The following SPAG16 variants were observed in gnomAD, a reference collection of about 807,000 sequenced individuals.
The protein encoded by SPAG16 is sperm-associated antigen 16 protein.
Under a neutral mutation model 80.4 loss-of-function variants are expected in SPAG16, and 86 were observed. That is an observed-to-expected ratio of 1.07 (90% confidence interval 0.90 to 1.28). SPAG16 has a LOEUF of 1.28. Ranked by LOEUF, SPAG16 falls within the 50% of genes most tolerant of loss-of-function variation. SPAG16 has a pLI of 0.00. For synonymous variants in SPAG16, 294 were observed against 265.9 expected (o/e 1.11, Z -1.03); for missense variants, 870 against 765.3 (o/e 1.14, Z -1.61).
intron 15 of SPAG16, among the ~76,000 whole-genome samples, chr2:214,368,526 T>C (rs1699622339): frequency 6.6e-6 from 1 of 152,108 alleles, no homozygotes; most frequent in African/African-American, 2.4e-5. Context: ...TCATCTCAGG[T>C]TAGCATAAAG....
intron 12 of SPAG16, among the ~76,000 whole-genome samples, chr2:213,941,446 A>G (rs2079194205): frequency 6.6e-6 from 1 of 152,156 alleles, no homozygotes; most frequent in African/African-American, 2.4e-5. Flanking sequence ...TGACACACAC[A>G]CAAACACACA....
At chr2:213,804,405 C>T (rs751696762) in intron 10 of SPAG16, among the ~76,000 whole-genome samples, 11 of 152,244 alleles carry the variant, frequency 7.2e-5, no homozygotes, top group East Asian at 1.9e-4. Context: ...TTATAAGGGC[C>T]GGGCACTGTG....
intron 15 of SPAG16, among the ~76,000 whole-genome samples, chr2:214,378,019 C>T (rs1041549982): frequency 5.3e-5 from 8 of 152,010 alleles, no homozygotes; most frequent in African/African-American, 1.9e-4. Context: ...GTATCAGAGC[C>T]GAGAAAGGAG....
intron 10 of SPAG16, among the ~76,000 whole-genome samples, chr2:213,857,232 A>G (rs2075214784): frequency 6.6e-6 from 1 of 152,234 alleles, no homozygotes; most frequent in African/African-American, 2.4e-5. Context: ...TGCATCTCAA[A>G]AAAAATTATT....
chr2:213,548,457 C>T (rs1000703413), intron 10 of SPAG16, among the ~76,000 whole-genome samples: 1 of 152,162 alleles, frequency 6.6e-6, no homozygotes, highest in African/African-American at 2.4e-5. Context: ...GTGATCTGCC[C>T]GCCTCGGCCT....
intron 10 of SPAG16, among the ~76,000 whole-genome samples, chr2:213,691,107 T>C (rs73988588): frequency 0.013 from 1,985 of 152,272 alleles, 44 homozygotes; most frequent in African/African-American, 0.044. Context: ...AACATCTGAA[T>C]TTTGGAGAGG....
At chr2:214,205,631 A>G (rs2058122929) in intron 15 of SPAG16, among the ~76,000 whole-genome samples, 1 of 152,196 alleles carries the variant, frequency 6.6e-6, no homozygotes, top group Admixed American at 6.5e-5. Flanking sequence ...TTGAGGATAT[A>G]AAACCCATAA....
intron 9 of SPAG16, among the ~76,000 whole-genome samples, chr2:213,388,053 A>G (rs1051093896): frequency 6.6e-6 from 1 of 152,138 alleles, no homozygotes; most frequent in African/African-American, 2.4e-5. Flanking sequence ...GTCCACAGGA[A>G]GGATTGGACA....
At chr2:214,407,206 A>C (rs1319557047) in intron 15 of SPAG16, among the ~76,000 whole-genome samples, 2 of 152,002 alleles carry the variant, frequency 1.3e-5, no homozygotes, top group Non-Finnish European at 2.9e-5. Flanking sequence ...AATTTATTTC[A>C]TGTGATTTTT....
At chr2:213,377,059 A>G (rs1028283637) in intron 9 of SPAG16, among the ~76,000 whole-genome samples, 6 of 152,160 alleles carry the variant, frequency 3.9e-5, no homozygotes, top group African/African-American at 1.4e-4. Flanking sequence ...AAAAGGGCCA[A>G]TGGAGATAAA....
chr2:214,282,676 G>A (rs1377671019), intron 15 of SPAG16, among the ~76,000 whole-genome samples: 1 of 151,972 alleles, frequency 6.6e-6, no homozygotes, highest in Non-Finnish European at 1.5e-5. Flanking sequence ...AAATTTTGGA[G>A]CAGAAAAGAC....
chr2:214,322,392 A>G (rs1696158045), intron 15 of SPAG16, among the ~76,000 whole-genome samples: 1 of 152,088 alleles, frequency 6.6e-6, no homozygotes. Context: ...TCATAAGAAA[A>G]TGGTACCTAT....
intron 10 of SPAG16, among the ~76,000 whole-genome samples, chr2:213,588,687 A>G (rs1321409830): frequency 3.3e-5 from 5 of 151,284 alleles, no homozygotes; most frequent in Admixed American, 1.3e-4. Context: ...CTGTAGTCCC[A>G]GCTACTCGGG....
intron 12 of SPAG16, among the ~76,000 whole-genome samples, chr2:213,970,978 G>A (rs889586476): frequency 6.6e-6 from 1 of 152,050 alleles, no homozygotes; most frequent in African/African-American, 2.4e-5. Flanking sequence ...AAGTAATTAG[G>A]TTGTTTTTGA....
intron 10 of SPAG16, among the ~76,000 whole-genome samples, chr2:213,774,322 A>G (rs541281619): frequency 1.3e-5 from 2 of 152,292 alleles, no homozygotes; most frequent in Non-Finnish European, 2.9e-5. Flanking sequence ...CGAAAACTCT[A>G]TGAGAGTTCT....
At chr2:213,810,446 G>T (rs2072062240) in intron 10 of SPAG16, among the ~76,000 whole-genome samples, 1 of 152,148 alleles carries the variant, frequency 6.6e-6, no homozygotes, top group South Asian at 2.1e-4. Context: ...ATTATGGCAT[G>T]ACTCTTCAGA....
intron 15 of SPAG16, among the ~76,000 whole-genome samples, chr2:214,211,233 G>A (rs1448455056): frequency 6.6e-6 from 1 of 152,152 alleles, no homozygotes; most frequent in Admixed American, 6.5e-5. Context: ...AGAATCACCA[G>A]GGGAGCATGA....
chr2:213,490,083 G>C lies in SPAG16; in HGVS notation c.1063G>C (p.Val355Leu). ...CATTTTTAGACTCCATGAACTTCCAGTGAGCTGGTAGGATTTTTGATGTTT... is the reference window on the plus strand; with the variant it reads ...CATTTTTAGACTCCATGAACTTCCACTGAGCTGGTAGGATTTTTGATGTTT... ...KNIFRLHELPVSCVSMQPHKD... is the reference protein window; with the variant it reads ...KNIFRLHELPLSCVSMQPHKD... Residue 355 changes from valine to leucine, a missense_variant, in exon 10 of 16, where the codon GTG becomes CTG. Transcript: ENST00000331683. The C allele has an allele frequency of 6.3e-7, 1 of 1,579,432 alleles. No individual in the cohort carries two copies. The highest frequency in any genetic ancestry group is 8.6e-7 in the Non-Finnish European group (1 of 1,166,670).
intron 10 of SPAG16, among the ~76,000 whole-genome samples, chr2:213,649,718 G>A (rs995350572): frequency 6.6e-6 from 1 of 152,024 alleles, no homozygotes; most frequent in Non-Finnish European, 1.5e-5. Context: ...GGGACCACAG[G>A]TACACACCAC....
Sources: gnomAD v4.1 joint callset for allele counts (sites outside exome capture counted in the v4.1 genomes callset) on GRCh38, gnomAD v4.1.1 for gene constraint, MANE v1.5 for transcripts, NCBI Gene and HGNC (gene_info 2026-07-23, HGNC 2026-07-21) for gene names.